Variants in CNKSR1 observed in about 807,000 individuals in gnomAD.
CNKSR1 encodes CNK homolog protein 1.
Under a neutral mutation model 95.6 loss-of-function variants are expected in CNKSR1, and 88 were observed. The ratio of observed to expected loss-of-function variants is 0.92; its 90% confidence interval spans 0.78 to 1.10. The LOEUF (loss-of-function observed/expected upper bound fraction) is 1.10. CNKSR1 is among the 50% of genes least tolerant of loss of function. CNKSR1 has a pLI of 0.00. For synonymous variants in CNKSR1, 355 were observed against 369.7 expected (o/e 0.96, Z 0.46); for missense variants, 836 against 912.0 (o/e 0.92, Z 1.07).
At chr1:26,178,193 C>A (rs2088592936) in intron 1 of CNKSR1, among the ~76,000 whole-genome samples, 1 of 152,184 alleles carries the variant, frequency 6.6e-6, no homozygotes, top group African/African-American at 2.4e-5. Flanking sequence ...GGAGGGAGGC[C>A]TGACAGGCCC....
In CNKSR1 at chr1:26,185,108, C is replaced by A. The variant is rs746219061; in HGVS notation, c.1230C>A (p.Gly410=). 2 of 1,601,882 alleles carry A rather than the reference C, an allele frequency of 1.2e-6. No individual in the cohort carries two copies. Among genetic ancestry groups the A allele is most frequent in the Non-Finnish European group, 1.7e-6 (2 of 1,175,808 alleles). ...GGCTCCTGTTGCGAAAGGCACCGGG[C>A]GGCTTCATGGGCCCGCGCTGGCGCC... ...DGWLLLRKAP[G]GFMGPRWRRR... is the part of the protein sequence containing the mutation. Residue 410 remains glycine (G), a synonymous_variant, in exon 14 of 21, where the codon GGC becomes GGA. Coordinates refer to ENST00000361530, the MANE Select transcript of CNKSR1 (RefSeq NM_006314.3).
chr1:26,187,607 C>T, intron 16 of CNKSR1, 125 bp downstream of exon 16: 1 of 757,458 alleles, frequency 1.3e-6, no homozygotes. Flanking sequence ...TCAAGATACT[C>T]ACTTCTCTTT....
chr1:26,185,239 G>A (rs2088729045), intron 14 of CNKSR1, 53 bp downstream of exon 14: 14 of 1,513,152 alleles, frequency 9.3e-6, no homozygotes, highest in Middle Eastern at 1.7e-4. Context: ...TCCAGGCCTC[G>A]ATTCTCATCT....
intron 6 of CNKSR1, 39 bp from the exon 7 acceptor site, chr1:26,183,158 C>A: frequency 6.2e-7 from 1 of 1,603,358 alleles, no homozygotes; most frequent in Middle Eastern, 1.7e-4. Context: ...GGCCCTGTTG[C>A]CCCCCAGCCC....
intron 14 of CNKSR1, among the ~76,000 whole-genome samples, chr1:26,185,391 TC>T (rs903585643): frequency 5.4e-5 from 8 of 148,342 alleles, no homozygotes; most frequent in Non-Finnish European, 1.0e-4. Flanking sequence ...TAGAGAAAAA[TC>T]TTTTTTTTTT....
chr1:26,188,611 A>G lies in CNKSR1; in HGVS notation c.1604A>G (p.Gln535Arg). 1 of 1,613,718 alleles carries G rather than the reference A, an allele frequency of 6.2e-7. No individual in the cohort carries two copies. The highest frequency in any genetic ancestry group is 8.5e-7 in the Non-Finnish European group (1 of 1,179,868). Residue 535 changes from glutamine (Q) to arginine (R), a missense_variant, in exon 19 of 21, where the codon CAA becomes CGA. Transcript: ENST00000361530. ...CCCTGCCTGCAGCCCAGCCCTGCTC[A>G]AGCTGGGAGTCCCCTCCATGGAGAC... is the stretch of plus-strand genomic sequence containing the variant. ...GSHSASPSPA[Q>R]AGSPLHGDTS...
At position 26,188,455 on chromosome 1, in the gene CNKSR1, G is replaced by A. The variant is rs1327752974; in HGVS notation, c.1542G>A (p.Glu514=). The change falls in exon 18 of 21, where the codon GAG becomes GAA. Residue 514 remains glutamate (E), a synonymous_variant. Coordinates refer to ENST00000361530, the MANE Select transcript of CNKSR1 (RefSeq NM_006314.3). ...PPPREEDCYS[E]TEAEDPDDEA... is the part of the protein sequence containing the mutation. ...TCCTCACCCCAGACTGCTACAGTGA[G>A]ACCGAAGCAGAGGACCCGGACGATG... 6.2e-7 allele frequency: 1 copy of A among 1,605,678 alleles called. No homozygotes were observed. The highest frequency in any genetic ancestry group is 1.1e-5 in the South Asian group (1 of 89,686).
rs760712154 is a variant in CNKSR1, at chr1:26,188,865, A to G, written c.1784A>G (p.Gln595Arg). 9.3e-6 allele frequency: 15 copies of G among 1,613,678 alleles called. No individual in the cohort carries two copies. Among genetic ancestry groups the G allele is most frequent in the East Asian group, 8.9e-5 (4 of 44,872 alleles). ...CAGCCACAGCCCCTGACCCAGGAAC[A>G]GTGGCGGAGCTCTTTCATGCGGCGC... is the stretch of plus-strand genomic sequence containing the variant. ...LGQPQPLTQEQWRSSFMRRNR... is the reference protein window; with the variant it reads ...LGQPQPLTQERWRSSFMRRNR... Residue 595 changes from glutamine to arginine, a missense_variant, in exon 20 of 21, where the codon CAG (glutamine) becomes CGG (arginine). Gln to Arg is a conservative substitution (Grantham distance 43). Transcript: ENST00000361530.
Position 26,184,381 on chromosome 1 carries a change from C to T in CNKSR1, c.1001-20C>T, listed in dbSNP as rs1439533547. 23 of 1,609,394 alleles carry T rather than the reference C, an allele frequency of 1.4e-5. No individual in the cohort carries two copies. The highest frequency in any genetic ancestry group is 1.9e-5 in the Non-Finnish European group (22 of 1,176,122). ...GACTGGGCTCATAGACTTTCCCTCT[C>T]TCTCCTCCCTCCCTGACAGACTCTG... On this transcript the variant is annotated intron_variant, in intron 11 of 20. Coordinates refer to ENST00000361530, the MANE Select transcript of CNKSR1 (RefSeq NM_006314.3).
rs1269260277 is a variant in CNKSR1 at position 26,182,552 on chromosome 1, G to A, written c.592G>A (p.Val198Met). Residue 198 changes from valine to methionine, a missense_variant, in exon 6 of 21, where the codon GTG becomes ATG. By Grantham distance (21) the Val-to-Met change is conservative. Transcript: ENST00000361530. ...CAAGGAGCTGCTGGAACAGAAGGCC[G>A]TGCTCGAGCAGGTGCAGCTGGACAG... is the stretch of plus-strand genomic sequence containing the variant. Reference protein sequence around the residue: ...CPKELLEQKAVLEQVQLDSPL... With the variant: ...CPKELLEQKAMLEQVQLDSPL... 8 of 1,613,616 alleles carry A rather than the reference G, an allele frequency of 5.0e-6. No homozygotes were observed. Among genetic ancestry groups the A allele is most frequent in the South Asian group, 1.1e-5 (1 of 91,052 alleles).
At chr1:26,186,791 G>A (rs540118494) in intron 14 of CNKSR1, 14 of 268,870 alleles carry the variant, frequency 5.2e-5, no homozygotes, top group African/African-American at 2.9e-4. Flanking sequence ...TTAATTTTTT[G>A]TAGAAATGGG....
chr1:26,183,516 G>A, intron 8 of CNKSR1, 102 bp downstream of exon 8: 1 of 1,321,976 alleles, frequency 7.6e-7, no homozygotes, highest in Non-Finnish European at 1.1e-6. Context: ...AGGGTTGTGG[G>A]AGCTGCCTTC....
At position 26,188,517 on chromosome 1, in the gene CNKSR1, T is replaced by C. The variant is rs998914009; in HGVS notation, c.1590+14T>C. On this transcript the variant is annotated intron_variant, in intron 18 of 20. Transcript: ENST00000361530. ...CACTCAGCCTCGGTGAGTGGGGGGC[T>C]GCCGGGGGTAGGAGGTGGGGATAAA... The C allele has an allele frequency of 6.2e-7, 1 of 1,602,278 alleles. No individual in the cohort carries two copies. Among genetic ancestry groups the C allele is most frequent in the Non-Finnish European group, 8.5e-7 (1 of 1,174,828 alleles).
chr1:26,183,498 T>A, intron 8 of CNKSR1, 84 bp downstream of exon 8: 2 of 1,457,540 alleles, frequency 1.4e-6, no homozygotes, highest in Non-Finnish European at 9.6e-7. Flanking sequence ...CAACCAAGGG[T>A]TCTGACCAGG....
rs1485983003 is a variant in CNKSR1 at position 26,189,687 on chromosome 1, T to C, written c.*139T>C. 1.3e-6 allele frequency: 1 copy of C among 764,588 alleles called. No individual in the cohort carries two copies. The highest frequency in any genetic ancestry group is 2.4e-6 in the Non-Finnish European group (1 of 415,522). 47.4% of individuals were successfully genotyped at this position (764,588 alleles called of 1,614,324 possible). ...TGCTAGTCATGGTCTCACCCCGAGC[T>C]GACCCCTCTGCCTGGGCTTTGTGCC... On this transcript the variant is annotated 3_prime_UTR_variant, in exon 21 of 21. Transcript: ENST00000361530.
At chr1:26,183,478 G>T in intron 8 of CNKSR1, 64 bp downstream of exon 8, 1 of 1,552,924 alleles carries the variant, frequency 6.4e-7, no homozygotes, top group Non-Finnish European at 8.9e-7. Context: ...AAGTCTGGTG[G>T]GTGGGGAGGC....
Position 26,183,718 on chromosome 1 carries a change from C to G in CNKSR1, c.754-11C>G, listed in dbSNP as rs776430913. ...CCCAGGTTGATACCAGCCAGTGTTT[C>G]TGTCCCCCAGGTGGGATGGCCCCGT... On this transcript the variant is annotated splice_polypyrimidine_tract_variant and intron_variant, in intron 8 of 20. Transcript: ENST00000361530. 6.3e-7 allele frequency: 1 copy of G among 1,597,154 alleles called. No individual in the cohort carries two copies. The highest frequency in any genetic ancestry group is 8.6e-7 in the Non-Finnish European group (1 of 1,164,586).
rs1465654927 is a variant in CNKSR1 at position 26,184,536 on chromosome 1, G to A, written c.1107+29G>A. Reference sequence around the variant, plus strand: ...AGCTCAGGGGCTTAGCAAGGGGGTGGGTGGGTCTGGACCTAGATCCTTCTC... The same window carrying A: ...AGCTCAGGGGCTTAGCAAGGGGGTGAGTGGGTCTGGACCTAGATCCTTCTC... On this transcript the variant is annotated intron_variant, in intron 12 of 20. Coordinates refer to ENST00000361530, the MANE Select transcript of CNKSR1 (RefSeq NM_006314.3). The A allele has an allele frequency of 3.7e-6, 6 of 1,606,956 alleles. No homozygotes were observed. The East Asian group carries it at 1.3e-4, about 36-fold the overall frequency.
At chr1:26,186,092 A>G (rs1228426366) in intron 14 of CNKSR1, among the ~76,000 whole-genome samples, 2 of 152,208 alleles carry the variant, frequency 1.3e-5, no homozygotes, top group East Asian at 1.9e-4. Context: ...GGAAAGCCCA[A>G]GGGATATGTG....
Sources: allele counts gnomAD v4.1 joint callset (sites outside exome capture counted in the v4.1 genomes callset), GRCh38; gene constraint gnomAD v4.1.1; transcripts MANE v1.5; gene names NCBI Gene and HGNC (gene_info 2026-07-23, HGNC 2026-07-21).